The following GRSF1 variants were observed in gnomAD, a reference collection of about 807,000 sequenced individuals.
The protein encoded by GRSF1 is G-rich RNA sequence binding factor 1.
A neutral mutation model predicts 51.1 loss-of-function variants in GRSF1; 50 were observed. That is an observed-to-expected ratio of 0.98 (90% CI 0.78 to 1.24). GRSF1 has a LOEUF of 1.24. Ranked by LOEUF, GRSF1 falls within the 50% of genes most tolerant of loss-of-function variation. GRSF1 has a pLI of 0.00. For synonymous variants in GRSF1, 293 were observed against 253.3 expected, an observed-to-expected ratio of 1.16 and a Z score of -1.49; for missense variants, 700 against 639.7, an observed-to-expected ratio of 1.09 and a Z score of -1.02.
chr4:70,829,769 C>T lies in GRSF1; in HGVS notation c.951-1733G>A, dbSNP rs567498238. 4.6e-5 allele frequency among the ~76,000 whole-genome samples: 7 copies of T among 152,290 alleles called. No individual in the cohort carries two copies. In the South Asian group the frequency reaches 1.2e-3, roughly 27 times the overall value. ...GAAATGAGCAGTGTTTGTGGCACTG[C>T]ACTTCAGCCTGGGTGACAGAGCAAG... On this transcript the variant is annotated intron_variant, in intron 5 of 9. Coordinates refer to ENST00000254799, the MANE Select transcript of GRSF1 (RefSeq NM_002092.4).
rs372722041 is a variant in GRSF1, at chr4:70,831,567, A to G, written c.922T>C (p.Leu308=). The change falls in exon 5 of 10, where the codon TTG becomes CTG. Residue 308 remains leucine (L), a synonymous_variant. Coordinates refer to ENST00000254799, the MANE Select transcript of GRSF1 (RefSeq NM_002092.4). ...TTACCAATTTCTTCCCTGTGTTTCA[A>G]CAGGGCTTGGTTGGCCATTTCTGGT... The part of the protein sequence containing the change: ...EEPEMANQAL[L]KHREEIGNRY... The G allele has an allele frequency of 3.1e-6, 5 of 1,613,642 alleles. No homozygotes were observed. Among genetic ancestry groups the G allele is most frequent in the Admixed American group, 1.7e-5 (1 of 59,970 alleles).
chr4:70,823,975 TC>T (rs200631338), intron 9 of GRSF1, among the ~76,000 whole-genome samples: 519 of 8,660 alleles, frequency 0.06, 34 homozygotes, highest in African/African-American at 0.071. Context: ...TGTATCTCTC[TC>T]TTTTTTTTTT....
intron 9 of GRSF1, 77 bp from the exon 10 acceptor site, chr4:70,820,938 T>C (rs1423971550): frequency 6.6e-6 from 1 of 152,424 alleles, no homozygotes; most frequent in East Asian, 1.9e-4. Flanking sequence ...CCATTTAAAA[T>C]TGCAAATTCA....
chr4:70,834,515 C>T (rs1734115207), intron 2 of GRSF1, among the ~76,000 whole-genome samples: 1 of 151,966 alleles, frequency 6.6e-6, no homozygotes, highest in African/African-American at 2.4e-5. Context: ...TGTTTTTCAA[C>T]TTTTATTTAG....
rs374437339 is a variant in GRSF1, at chr4:70,825,321, C to T, written c.1368G>A (p.Ala456=). 2.9e-5 allele frequency: 47 copies of T among 1,608,640 alleles called. No homozygotes were observed. The highest frequency in any genetic ancestry group is 4.5e-5 in the East Asian group (2 of 44,844). Residue 456 remains alanine, a synonymous_variant, in exon 8 of 10, where the codon GCG becomes GCA. Transcript: ENST00000254799. ...HFETHEDAVA[A]MLKDRSHVHH... ...GAACGTGGGACCGATCCTTGAGCATCGCTGCAACAGCATCCTCATGGGTCT... is the reference window on the plus strand; with the variant it reads ...GAACGTGGGACCGATCCTTGAGCATTGCTGCAACAGCATCCTCATGGGTCT...
intron 1 of GRSF1, 188 bp downstream of exon 1, chr4:70,839,283 G>T: frequency 6.7e-7 from 1 of 1,495,888 alleles, no homozygotes; most frequent in Non-Finnish European, 8.9e-7. Flanking sequence ...AAGACCCGAC[G>T]CCTGGGAGAG....
rs558161404 is a variant in GRSF1, at chr4:70,822,517, G to C, written c.*26-1656C>G. 4.0e-5 allele frequency among the ~76,000 whole-genome samples: 6 copies of C among 150,290 alleles called. 1 individual carries two copies. The South Asian group carries it at 1.3e-3, about 32-fold the overall frequency. On this transcript the variant is annotated intron_variant, in intron 9 of 9. Coordinates refer to ENST00000254799, the MANE Select transcript of GRSF1 (RefSeq NM_002092.4). ...AGAATCACTTGAACCCGGGAGGCAG[G>C]GGTTGCAGTGAGCTGAGATTGTGCC...
At chr4:70,825,258 C>A in intron 8 of GRSF1, 38 bp downstream of exon 8, 1 of 1,528,146 alleles carries the variant, frequency 6.5e-7, no homozygotes, top group Non-Finnish European at 8.9e-7. Context: ...CAAAGACAAG[C>A]ATCAAAAATG....
chr4:70,841,834 G>C (rs1274000623), upstream of GRSF1, among the ~76,000 whole-genome samples: 1 of 152,066 alleles, frequency 6.6e-6, no homozygotes, highest in Non-Finnish European at 1.5e-5. Flanking sequence ...TTGTTTTTTG[G>C]GCTAAAATAC....
rs1417167071 is a variant in GRSF1, at chr4:70,820,531, G to A, written c.*356C>T. ...AAAAAGTTACTTTTTAAATGAAACC[G>A]TTTAAAGAACACTGCTGAATAAAAA... On this transcript the variant is annotated 3_prime_UTR_variant, in exon 10 of 10. Coordinates refer to ENST00000254799, the MANE Select transcript of GRSF1 (RefSeq NM_002092.4). 2.0e-5 allele frequency: 3 copies of A among 152,170 alleles called. No homozygotes were observed. Among genetic ancestry groups the A allele is most frequent in the South Asian group, 2.1e-4 (1 of 4,824 alleles). 9.4% of individuals were successfully genotyped at this position (152,170 alleles called of 1,614,324 possible).
intron 9 of GRSF1, among the ~76,000 whole-genome samples, chr4:70,821,154 C>T (rs1278726772): frequency 2.0e-5 from 3 of 152,170 alleles, no homozygotes; most frequent in African/African-American, 4.8e-5. Context: ...AGGCCAGGCA[C>T]GGTGGCTCAC....
At chr4:70,841,344 A>C (rs1481288951), upstream of GRSF1, among the ~76,000 whole-genome samples, 1 of 152,258 alleles carries the variant, frequency 6.6e-6, no homozygotes, top group East Asian at 1.9e-4. Context: ...ACAAAGGTGA[A>C]CCCTCCCCTA....
chr4:70,819,814 C>G lies in GRSF1; in HGVS notation c.*1073G>C, dbSNP rs1247505230. ...TTTATTAATGACTATATTTTGAAGC[C>G]AGCCATTTTGTCCAATATTTAAATA... On this transcript the variant is annotated 3_prime_UTR_variant, in exon 10 of 10. Coordinates refer to ENST00000254799, the MANE Select transcript of GRSF1 (RefSeq NM_002092.4). 2.0e-5 allele frequency: 3 copies of G among 152,620 alleles called. No individual in the cohort carries two copies. The highest frequency in any genetic ancestry group is 4.4e-5 in the Non-Finnish European group (3 of 68,036). 9.5% of individuals were successfully genotyped at this position (152,620 alleles called of 1,614,324 possible).
intron 1 of GRSF1, among the ~76,000 whole-genome samples, chr4:70,836,706 G>T (rs1392902428): frequency 6.6e-6 from 1 of 152,102 alleles, no homozygotes; most frequent in African/African-American, 2.4e-5. Context: ...CATACAAGAT[G>T]AGATACTGAG....
At position 70,827,866 on chromosome 4, in the gene GRSF1, C is replaced by G; in HGVS notation, c.1121G>C (p.Ser374Thr). The G allele has an allele frequency of 6.2e-7, 1 of 1,610,542 alleles. No individual in the cohort carries two copies. Among genetic ancestry groups the G allele is most frequent in the Non-Finnish European group, 8.5e-7 (1 of 1,177,986 alleles). The change falls in exon 6 of 10, where the codon AGT becomes ACT. Residue 374 changes from serine (S) to threonine (T), a missense_variant. Transcript: ENST00000254799. ...CAGGACCTTACCTATTTCCTTCTCA[C>G]TTTCAAAAGCTGTCATGGGTTGAAT... ...EDIQPMTAFE[S>T]EKEIELPKEV... is the part of the protein sequence containing the mutation.
At position 70,833,113 on chromosome 4, in the gene GRSF1, C is replaced by T. The variant is rs1470987846; in HGVS notation, c.670+5G>A. 1.9e-6 allele frequency: 3 copies of T among 1,612,146 alleles called. No individual in the cohort carries two copies. The highest frequency in any genetic ancestry group is 2.2e-5 in the East Asian group (1 of 44,878). ...CCCAAAAAGCCATAATCTGACTTCA[C>T]ATACCTTCCACATACCGCTGGCCCA... On this transcript the variant is annotated splice_donor_5th_base_variant and intron_variant, in intron 3 of 9. Coordinates refer to ENST00000254799, the MANE Select transcript of GRSF1 (RefSeq NM_002092.4).
At chr4:70,828,340 G>A (rs1733816256) in intron 5 of GRSF1, among the ~76,000 whole-genome samples, 1 of 152,124 alleles carries the variant, frequency 6.6e-6, no homozygotes, top group Non-Finnish European at 1.5e-5. Flanking sequence ...TGTGTATACA[G>A]AAAAAATTAA....
Position 70,825,289 on chromosome 4 carries a change from G to T in GRSF1, c.1393+7C>A. The T allele has an allele frequency of 6.3e-7, 1 of 1,596,898 alleles. No homozygotes were observed. Among genetic ancestry groups the T allele is most frequent in the Non-Finnish European group, 8.6e-7 (1 of 1,167,646 alleles). ...AAATGACAACAAAAGCCAAAGGCAG[G>T]ACTTACGAACGTGGGACCGATCCTT... is the stretch of plus-strand genomic sequence containing the variant. On this transcript the variant is annotated splice_region_variant and intron_variant, in intron 8 of 9. Coordinates refer to ENST00000254799, the MANE Select transcript of GRSF1 (RefSeq NM_002092.4).
intron 1 of GRSF1, chr4:70,839,045 G>A (rs781068061): frequency 5.7e-5 from 58 of 1,024,060 alleles, no homozygotes; most frequent in Non-Finnish European, 7.4e-5. Context: ...GCCGAGGGCC[G>A]CCCAGGCCTA....
Sources: gnomAD v4.1 joint callset for allele counts (sites outside exome capture counted in the v4.1 genomes callset) on GRCh38, gnomAD v4.1.1 for gene constraint, MANE v1.5 for transcripts, NCBI Gene and HGNC (gene_info 2026-07-23, HGNC 2026-07-21) for gene names.